The following ADAM15 variants were observed in gnomAD, a reference collection of about 807,000 sequenced individuals.
The protein encoded by ADAM15 is disintegrin and metalloproteinase domain-containing protein 15.
Under a neutral mutation model 113.8 loss-of-function variants are expected in ADAM15, and 77 were observed. The ratio of observed to expected loss-of-function variants is 0.68; its 90% confidence interval spans 0.56 to 0.82. The LOEUF (loss-of-function observed/expected upper bound fraction) is 0.82, where lower values mean the gene tolerates loss of function less well. Ranked by LOEUF, ADAM15 falls within the 40% of genes least tolerant of loss-of-function variation. ADAM15 has a pLI of 0.00. For synonymous variants in ADAM15, 388 were observed against 454.1 expected, an observed-to-expected ratio of 0.85 and a Z score of 1.85; for missense variants, 963 against 1,120.1, an observed-to-expected ratio of 0.86 and a Z score of 2.00.
Position 155,058,397 on chromosome 1 carries a change from C to T in ADAM15, c.1873C>T (p.Gln625Ter). The T allele has an allele frequency of 6.2e-7, 1 of 1,613,588 alleles. No homozygotes were observed. Among genetic ancestry groups the T allele is most frequent in the East Asian group, 2.2e-5 (1 of 44,882 alleles). The change falls in exon 15 of 23, where the codon CAG becomes TAG. Residue 625 changes from glutamine to a stop codon, truncating the protein, a stop_gained. Coordinates refer to ENST00000356955, the MANE Select transcript of ADAM15 (RefSeq NM_207197.3). LOFTEE classifies it high-confidence loss of function. The surrounding 1 kb of genome is among the most constrained non-coding windows in gnomAD (Gnocchi z 4.3). ...CCTGGACCTGGGCAGTGATGTGGCC[C>T]AGCCCCTCCTGACTCTGCCTGGCAC... ...VHLDLGSDVAQPLLTLPGTAC... is the reference protein window; with the variant it reads ...VHLDLGSDVA
At chr1:155,061,645 G>C in intron 20 of ADAM15, 156 bp downstream of exon 20, 1 of 889,052 alleles carries the variant, frequency 1.1e-6, no homozygotes, top group Non-Finnish European at 1.7e-6. Context: ...AAGCAGCAAA[G>C]GGTGAGCCTC....
chr1:155,061,332 T>C (rs575008649), intron 19 of ADAM15, 83 bp from the exon 20 acceptor site: 2 of 1,046,692 alleles, frequency 1.9e-6, no homozygotes, highest in South Asian at 1.4e-5. Context: ...TGGCCCCCCC[T>C]GGGCACTGAC....
chr1:155,052,387 A>T, intron 1 of ADAM15: 1 of 1,041,992 alleles, frequency 9.6e-7, no homozygotes, highest in Non-Finnish European at 1.4e-6. Context: ...GGGTCCTGTG[A>T]GAACCTGGGA....
chr1:155,060,324 G>A lies in ADAM15; in HGVS notation c.2188G>A (p.Gly730Arg), dbSNP rs757715996. The change falls in exon 18 of 23, where the codon GGA becomes AGA. Residue 730 changes from glycine to arginine, a missense_variant. Gly to Arg is a moderately radical substitution (Grantham distance 125). Transcript: ENST00000356955. ...GCACCAGCGACTCTGCCAGCTCAAG[G>A]GACCCACCTGCCAGTACAGGTATGA... The part of the protein sequence containing the change: ...RLHQRLCQLK[G>R]PTCQYRAAQS... 6.2e-7 allele frequency: 1 copy of A among 1,614,074 alleles called. No homozygotes were observed. Among genetic ancestry groups the A allele is most frequent in the Non-Finnish European group, 8.5e-7 (1 of 1,180,010 alleles).
Position 155,057,267 on chromosome 1 carries a change from C to T in ADAM15, c.1228C>T (p.Leu410Phe). 1.2e-6 allele frequency: 2 copies of T among 1,614,206 alleles called. No homozygotes were observed. Among genetic ancestry groups the T allele is most frequent in the Non-Finnish European group, 1.7e-6 (2 of 1,180,028 alleles). ...KALLDGMGSCLFERLPSLPPM... is the reference protein window; with the variant it reads ...KALLDGMGSCFFERLPSLPPM... ...CCTCCTGGATGGAATGGGCAGCTGC[C>T]TCTTCGAACGGCTGCCTAGCCTACC... Residue 410 changes from leucine (L) to phenylalanine (F), a missense_variant, in exon 12 of 23, where the codon CTC (leucine) becomes TTC (phenylalanine). By Grantham distance (22) the Leu-to-Phe change is conservative. Transcript: ENST00000356955. The surrounding 1 kb of genome is among the most constrained non-coding windows in gnomAD (Gnocchi z 5.0).
chr1:155,061,507 C>A lies in ADAM15; in HGVS notation c.2352+18C>A. On this transcript the variant is annotated intron_variant, in intron 20 of 22. Transcript: ENST00000356955. Reference sequence around the variant, plus strand: ...GACTCCAGGTAAATCTGGGCCAGGGCCCGCCCTGAGCCAAGGCAGGTGGGA... The same window carrying A: ...GACTCCAGGTAAATCTGGGCCAGGGACCGCCCTGAGCCAAGGCAGGTGGGA... The A allele has an allele frequency of 6.2e-7, 1 of 1,611,902 alleles. No homozygotes were observed. The highest frequency in any genetic ancestry group is 2.2e-5 in the East Asian group (1 of 44,862).
intron 4 of ADAM15, 52 bp from the exon 5 acceptor site, chr1:155,054,097 TC>T: frequency 6.2e-7 from 1 of 1,613,266 alleles, no homozygotes; most frequent in Non-Finnish European, 8.5e-7. Context: ...GCTCCTCAGT[TC>T]CAGTCCTGGT....
chr1:155,057,695 G>A lies in ADAM15; in HGVS notation c.1382G>A (p.Cys461Tyr). 1 of 1,614,166 alleles carries A rather than the reference G, an allele frequency of 6.2e-7. No individual in the cohort carries two copies. Among genetic ancestry groups the A allele is most frequent in the Non-Finnish European group, 8.5e-7 (1 of 1,180,030 alleles). ...LTCQLRPGAQ[C>Y]ASDGPCCQNC... is the part of the protein sequence containing the mutation. ...TGCCAGCTGAGGCCAGGTGCACAGT[G>A]TGCATCTGACGGACCCTGTTGTCAA... The change falls in exon 13 of 23, where the codon TGT (cysteine) becomes TAT (tyrosine). Residue 461 changes from cysteine to tyrosine, a missense_variant. Physicochemically the swap from Cys to Tyr is radical, Grantham distance 194 (BLOSUM62 -2). Transcript: ENST00000356955. This position sits in a 1 kb window ranked among gnomAD's most constrained non-coding sequence, Gnocchi z 5.0.
In ADAM15 at chr1:155,062,010, C is replaced by T. The variant is rs1168940324; in HGVS notation, c.2424+35C>T. 1.3e-6 allele frequency: 2 copies of T among 1,518,586 alleles called. No individual in the cohort carries two copies. The highest frequency in any genetic ancestry group is 1.8e-6 in the Non-Finnish European group (2 of 1,132,526). 94.1% of individuals were successfully genotyped at this position (1,518,586 alleles called of 1,614,324 possible). ...GGGGGAGAGAAGGGCACGGCCTCTC[C>T]CCCCACCTAGGGCTGTGGTGCTGGT... On this transcript the variant is annotated intron_variant, in intron 21 of 22. Coordinates refer to ENST00000356955, the MANE Select transcript of ADAM15 (RefSeq NM_207197.3). The surrounding 1 kb of genome is among the most constrained non-coding windows in gnomAD (Gnocchi z 7.0).
chr1:155,054,093 C>T (rs1162101565), intron 4 of ADAM15, 57 bp from the exon 5 acceptor site: 1 of 1,612,844 alleles, frequency 6.2e-7, no homozygotes, highest in Non-Finnish European at 8.5e-7. Flanking sequence ...CTAGGCTCCT[C>T]AGTTCCAGTC....
intron 1 of ADAM15, chr1:155,052,213 T>G (rs1571587042): frequency 2.7e-6 from 1 of 371,138 alleles, no homozygotes; most frequent in Non-Finnish European, 5.0e-6. Flanking sequence ...TTTAGGGAGG[T>G]GGGGGTGTTT....
chr1:155,060,423 C>A, intron 18 of ADAM15, 80 bp downstream of exon 18: 1 of 1,577,968 alleles, frequency 6.3e-7, no homozygotes. Context: ...CAGCCCCTGC[C>A]ACCTGGTTCT....
chr1:155,059,441 T>C (rs971307375), intron 16 of ADAM15, among the ~76,000 whole-genome samples: 1 of 152,040 alleles, frequency 6.6e-6, no homozygotes, highest in Non-Finnish European at 1.5e-5. Flanking sequence ...CTGGTCAACA[T>C]AGTGAGACCC....
rs1213096771 is a variant in ADAM15, at chr1:155,058,780, G to A, written c.1988G>A (p.Gly663Glu). Reference sequence around the variant, plus strand: ...CAGGAATGTCGAAGCAAATGCCATGGACATGGGGTGAGCTGGGATGGGGGA... The same window carrying A: ...CAGGAATGTCGAAGCAAATGCCATGAACATGGGGTGAGCTGGGATGGGGGA... ...GAQECRSKCHGHGVCDSNRHC... is the reference protein window; with the variant it reads ...GAQECRSKCHEHGVCDSNRHC... Residue 663 changes from glycine (G) to glutamate (E), a missense_variant, in exon 16 of 23, where the codon GGA becomes GAA. By Grantham distance (98) the Gly-to-Glu change is moderately conservative (BLOSUM62 -2). Transcript: ENST00000356955. This position sits in a 1 kb window ranked among gnomAD's most constrained non-coding sequence, Gnocchi z 4.3. The A allele has an allele frequency of 1.9e-6, 3 of 1,611,922 alleles. No homozygotes were observed. Among genetic ancestry groups the A allele is most frequent in the South Asian group, 1.1e-5 (1 of 90,864 alleles).
chr1:155,052,910 C>A, intron 2 of ADAM15, 133 bp downstream of exon 2: 1 of 1,211,572 alleles, frequency 8.3e-7, no homozygotes, highest in Non-Finnish European at 1.1e-6. Context: ...CCAGGCCCAG[C>A]TGCCTCTCCC....
chr1:155,055,689 A>G (rs1253045736), intron 6 of ADAM15, 101 bp from the exon 7 acceptor site: 3 of 1,321,630 alleles, frequency 2.3e-6, no homozygotes, highest in Non-Finnish European at 3.3e-6. Flanking sequence ...TCACCCTCCT[A>G]TTTGACCCAC....
intron 6 of ADAM15, 120 bp downstream of exon 6, chr1:155,054,626 G>A (rs1193567233): frequency 5.7e-5 from 63 of 1,108,342 alleles, no homozygotes; most frequent in Non-Finnish European, 7.2e-5. Flanking sequence ...CCACATGCTG[G>A]GCACTTTGTG....
At position 155,062,042 on chromosome 1, in the gene ADAM15, G is replaced by A; in HGVS notation, c.2424+67G>A. On this transcript the variant is annotated intron_variant, in intron 21 of 22. Transcript: ENST00000356955. This position sits in a 1 kb window ranked among gnomAD's most constrained non-coding sequence, Gnocchi z 7.0. ...CTAGGGCTGTGGTGCTGGTAGCCATGACGGTGGTGGCCGTGGCGAGATGCC... is the reference window on the plus strand; with the variant it reads ...CTAGGGCTGTGGTGCTGGTAGCCATAACGGTGGTGGCCGTGGCGAGATGCC... The A allele has an allele frequency of 6.7e-7, 1 of 1,486,730 alleles. No homozygotes were observed. 92.1% of individuals were successfully genotyped at this position (1,486,730 alleles called of 1,614,324 possible).
rs116258307 is a variant in ADAM15 at position 155,056,584 on chromosome 1, A to G, written c.999+114A>G. 4,374 of 1,027,238 alleles carry G rather than the reference A, an allele frequency of 4.3e-3. 53 individuals are homozygous for G. The highest frequency in any genetic ancestry group is 0.03 in the Middle Eastern group (145 of 4,822). The allele number at this position is 1,027,238 out of a possible 1,614,324, so 63.6% of individuals were successfully genotyped here. A position where few individuals can be genotyped will look rare whatever the true frequency, so the allele number is the denominator to read the frequency against. ...TGCCCAACCCCAAAGCTACAGGTAT[A>G]GAGGGTGGAGGTACGTGATGTGGCC... On this transcript the variant is annotated intron_variant, in intron 10 of 22. Transcript: ENST00000356955. This position sits in a 1 kb window ranked among gnomAD's most constrained non-coding sequence, Gnocchi z 4.0.
Sources: gnomAD v4.1 joint callset for allele counts (sites outside exome capture counted in the v4.1 genomes callset) on GRCh38, gnomAD v4.1.1 for gene constraint, Gnocchi (gnomAD v3.1) non-coding constraint, MANE v1.5 for transcripts, NCBI Gene and HGNC (gene_info 2026-07-23, HGNC 2026-07-21) for gene names.